The following PCDHGA3 variants were observed in gnomAD, a reference collection of about 807,000 sequenced individuals.
The protein encoded by PCDHGA3 is protocadherin gamma subfamily A, 3.
PCDHGA3 carries 40 observed loss-of-function variants against 58.5 expected under a neutral mutation model. That is an observed-to-expected ratio of 0.68 (90% CI 0.53 to 0.89). The LOEUF (loss-of-function observed/expected upper bound fraction) is 0.89. PCDHGA3 is among the 40% of genes least tolerant of loss of function. PCDHGA3 has a pLI of 0.00. For synonymous variants in PCDHGA3, 530 were observed against 525.7 expected, an observed-to-expected ratio of 1.01 and a Z score of -0.11; for missense variants, 1,223 against 1,195.9, an observed-to-expected ratio of 1.02 and a Z score of -0.33.
chr5:141,498,960 G>GGAGA (rs1381042115), intron 2 of PCDHGA3, among the ~76,000 whole-genome samples: 9 of 118,744 alleles, frequency 7.6e-5, no homozygotes, highest in African/African-American at 2.8e-4. Context: ...AGAGAGAGAG[G>GGAGA]GAGGGAGGGA....
chr5:141,385,045 C>A, intron 1 of PCDHGA3: 1 of 1,614,178 alleles, frequency 6.2e-7, no homozygotes, highest in Non-Finnish European at 8.5e-7. Context: ...GGCGCTCAGG[C>A]TGCGGCGCTG....
chr5:141,483,779 A>G (rs1259583177), intron 1 of PCDHGA3, among the ~76,000 whole-genome samples: 2 of 152,146 alleles, frequency 1.3e-5, no homozygotes, highest in Non-Finnish European at 2.9e-5. Context: ...TTGGGGAAGG[A>G]TAAGAACTCC....
rs772255343 is a variant in PCDHGA3, at chr5:141,432,272, G to C, written c.2425-62535G>C. On this transcript the variant is annotated intron_variant, in intron 1 of 3. Coordinates refer to ENST00000253812, the MANE Select transcript of PCDHGA3 (RefSeq NM_018916.4). This position sits in a 1 kb window ranked among gnomAD's most constrained non-coding sequence, Gnocchi z 6.0. ...CCAAGGGGCAAGCCTATCGTCCTAC[G>C]TGTCCATCAACTCCGACACTGGGGT... The C allele has an allele frequency of 3.1e-6, 5 of 1,614,210 alleles. No individual in the cohort carries two copies. Among genetic ancestry groups the C allele is most frequent in the Non-Finnish European group, 4.2e-6 (5 of 1,180,042 alleles).
intron 1 of PCDHGA3, chr5:141,372,658 G>A: frequency 1.9e-6 from 3 of 1,614,020 alleles, no homozygotes; most frequent in African/African-American, 1.3e-5. Context: ...TACAATCCGT[G>A]TGCTGCCTCA....
intron 1 of PCDHGA3, chr5:141,399,883 A>C: frequency 6.2e-7 from 1 of 1,612,718 alleles, no homozygotes; most frequent in South Asian, 1.1e-5. Flanking sequence ...CCTGGTGACC[A>C]AGGTAGTGGC....
intron 1 of PCDHGA3, chr5:141,422,547 G>C: frequency 1.9e-6 from 3 of 1,613,938 alleles, no homozygotes; most frequent in Non-Finnish European, 2.5e-6. Context: ...CTCATGTCTG[G>C]CTGAATGTGG....
rs753845173 is a variant in PCDHGA3, at chr5:141,490,873, C to T, written c.2425-3934C>T. On this transcript the variant is annotated intron_variant, in intron 1 of 3. Coordinates refer to ENST00000253812, the MANE Select transcript of PCDHGA3 (RefSeq NM_018916.4). The surrounding 1 kb of genome is among the most constrained non-coding windows in gnomAD (Gnocchi z 5.4). Reference sequence around the variant, plus strand: ...TCGAGACTCCGGCTCTCCCCCATTGCATGCCAACACATCTCTGCATGTGTT... The same window carrying T: ...TCGAGACTCCGGCTCTCCCCCATTGTATGCCAACACATCTCTGCATGTGTT... 5.6e-6 allele frequency: 9 copies of T among 1,613,884 alleles called. No homozygotes were observed. The highest frequency in any genetic ancestry group is 7.6e-6 in the Non-Finnish European group (9 of 1,179,908).
Position 141,346,161 on chromosome 5 carries a change from G to C in PCDHGA3, c.2128G>C (p.Val710Leu). The change falls in exon 1 of 4, where the codon GTG becomes CTG. Residue 710 changes from valine (V) to leucine (L), a missense_variant. By Grantham distance (32) the Val-to-Leu change is conservative. Coordinates refer to ENST00000253812, the MANE Select transcript of PCDHGA3 (RefSeq NM_018916.4). ...CTGCGTCTTCCTGGCCTTCGTCATC[G>C]TGCTGCTGGCGCTCAGGCTGCGGCG... ...VSCVFLAFVI[V>L]LLALRLRRWH... 6.2e-7 allele frequency: 1 copy of C among 1,614,026 alleles called. No individual in the cohort carries two copies. Among genetic ancestry groups the C allele is most frequent in the Non-Finnish European group, 8.5e-7 (1 of 1,179,942 alleles).
At chr5:141,460,159 T>A (rs1313260289) in intron 1 of PCDHGA3, among the ~76,000 whole-genome samples, 3 of 152,260 alleles carry the variant, frequency 2.0e-5, no homozygotes, top group Non-Finnish European at 1.5e-5. Context: ...CTTTGTCACA[T>A]ACATATTTTG....
intron 2 of PCDHGA3, among the ~76,000 whole-genome samples, chr5:141,501,290 T>TACACACACACACAC (rs55762287): frequency 7.3e-6 from 1 of 136,164 alleles, no homozygotes; most frequent in Non-Finnish European, 1.6e-5. Context: ...TATTCCCTTA[T>TACACACACACACAC]ACACACACAC....
chr5:141,389,215 A>G (rs2150378532), intron 1 of PCDHGA3: 1 of 1,614,010 alleles, frequency 6.2e-7, no homozygotes, highest in Non-Finnish European at 8.5e-7. Flanking sequence ...GGTGATGTAA[A>G]TGACAACGCT....
intron 1 of PCDHGA3, among the ~76,000 whole-genome samples, chr5:141,455,246 G>A (rs2098817522): frequency 6.6e-6 from 1 of 151,962 alleles, no homozygotes; most frequent in Non-Finnish European, 1.5e-5. Context: ...AAAGGTCATA[G>A]TACAATCGCA....
chr5:141,488,672 G>A (rs1012955473), intron 1 of PCDHGA3, among the ~76,000 whole-genome samples: 20 of 152,208 alleles, frequency 1.3e-4, no homozygotes, highest in African/African-American at 4.8e-4. Context: ...GAATACATGG[G>A]CTTTGCCTCT....
chr5:141,494,746 C>A lies in PCDHGA3; in HGVS notation c.2425-61C>A. 3 of 1,613,088 alleles carry A rather than the reference C, an allele frequency of 1.9e-6. No individual in the cohort carries two copies. The South Asian group carries it at 3.3e-5, about 18-fold the overall frequency. On this transcript the variant is annotated intron_variant, in intron 1 of 3. Coordinates refer to ENST00000253812, the MANE Select transcript of PCDHGA3 (RefSeq NM_018916.4). ...TTCTCTCCCGGCCCATCCCTAGGGG[C>A]TCGGGTGACATTCTAACTTCTCACG...
chr5:141,506,737 C>T (rs893758261), intron 3 of PCDHGA3, among the ~76,000 whole-genome samples: 5 of 152,076 alleles, frequency 3.3e-5, no homozygotes, highest in African/African-American at 1.2e-4. Flanking sequence ...AGAATAATGC[C>T]TATTAATAAA....
In PCDHGA3 at chr5:141,476,584, C is replaced by A; in HGVS notation, c.2425-18223C>A. ...TGGCTCCGGGGACGCGCTTTCCGCTCGAGAGCGCGCACGATCCCGATGTGG... is the reference window on the plus strand; with the variant it reads ...TGGCTCCGGGGACGCGCTTTCCGCTAGAGAGCGCGCACGATCCCGATGTGG... On this transcript the variant is annotated intron_variant, in intron 1 of 3. Coordinates refer to ENST00000253812, the MANE Select transcript of PCDHGA3 (RefSeq NM_018916.4). This position sits in a 1 kb window ranked among gnomAD's most constrained non-coding sequence, Gnocchi z 7.6. The A allele has an allele frequency of 6.2e-7, 1 of 1,614,216 alleles. No homozygotes were observed. The highest frequency in any genetic ancestry group is 8.5e-7 in the Non-Finnish European group (1 of 1,180,042).
chr5:141,401,641 A>C (rs557366973), intron 1 of PCDHGA3, among the ~76,000 whole-genome samples: 1 of 152,374 alleles, frequency 6.6e-6, no homozygotes, highest in African/African-American at 2.4e-5. Context: ...GGAGCTTTAA[A>C]TATAAATGAC....
At chr5:141,436,335 A>T (rs2097814208) in intron 1 of PCDHGA3, among the ~76,000 whole-genome samples, 1 of 152,172 alleles carries the variant, frequency 6.6e-6, no homozygotes, top group African/African-American at 2.4e-5. Flanking sequence ...ACCATATCTC[A>T]AATATCAGTG....
chr5:141,498,673 T>C (rs1158071657), intron 2 of PCDHGA3, among the ~76,000 whole-genome samples: 1 of 152,180 alleles, frequency 6.6e-6, no homozygotes, highest in Non-Finnish European at 1.5e-5. Flanking sequence ...GGCTCACGCC[T>C]GTAATCCCAG....
Sources: allele counts gnomAD v4.1 joint callset (sites outside exome capture counted in the v4.1 genomes callset), GRCh38; gene constraint gnomAD v4.1.1; non-coding constraint Gnocchi (gnomAD v3.1); transcripts MANE v1.5; gene names NCBI Gene and HGNC (gene_info 2026-07-23, HGNC 2026-07-21).